The following CELF2 variants were observed in gnomAD, a reference collection of about 807,000 sequenced individuals.
CELF2 encodes the protein CUG triplet repeat RNA-binding protein 2.
CELF2 carries 8 observed loss-of-function variants against 62.6 expected under a neutral mutation model. The ratio of observed to expected loss-of-function variants is 0.13; its 90% CI spans 0.07 to 0.23. CELF2 has a LOEUF of 0.23. Among genes scored for constraint, CELF2 ranks in the 10% least tolerant of loss-of-function variants. The probability of loss-of-function intolerance (pLI) is 1.00; values close to 1 mark genes in which losing one functional copy is unlikely to be tolerated. For synonymous variants in CELF2, 258 were observed against 250.0 expected (o/e 1.03, Z -0.30); for missense variants, 333 against 671.0 (o/e 0.50, Z 5.56).
chr10:10,696,169 A>T, the CELF2 span, among the ~76,000 whole-genome samples: 4 of 152,134 alleles, frequency 2.6e-5, no homozygotes, highest in Non-Finnish European at 5.9e-5. Flanking sequence ...GGTGATGTAC[A>T]GATGGGTTTT....
In CELF2 at chr10:11,005,382, A is replaced by G. The variant is rs1363095828; in HGVS notation, c.-6A>G. 1 of 1,613,854 alleles carries G rather than the reference A, an allele frequency of 6.2e-7. No individual in the cohort carries two copies. The highest frequency in any genetic ancestry group is 1.3e-5 in the African/African-American group (1 of 74,924). On this transcript the variant is annotated 5_prime_UTR_variant, in exon 1 of 13. Transcript: ENST00000416382. This position sits in a 1 kb window ranked among gnomAD's most constrained non-coding sequence, Gnocchi z 4.3. The stretch of plus-strand genomic sequence containing the variant: ...TGGCTTTTGTTGAGACTATCAGTAT[A>G]GAAGCATGCGCTGTCCCAAATCCGC...
At chr10:10,576,655 A>G in the CELF2 span, among the ~76,000 whole-genome samples, 6 of 152,088 alleles carry the variant, frequency 3.9e-5, no homozygotes, top group African/African-American at 1.4e-4. Context: ...TCCGTTAACC[A>G]TCTCTCTACC....
At chr10:10,577,364 T>TTTA in the CELF2 span, among the ~76,000 whole-genome samples, 8,317 of 141,374 alleles carry the variant, frequency 0.059, 322 homozygotes, top group East Asian at 0.21. Context: ...AACAAATCTT[T>TTTA]TTATTATTAT....
the CELF2 span, among the ~76,000 whole-genome samples, chr10:10,474,682 T>A: frequency 6.6e-6 from 1 of 151,872 alleles, no homozygotes; most frequent in Non-Finnish European, 1.5e-5. Flanking sequence ...GCTGTGGGGG[T>A]TATTAGTACA....
chr10:10,468,458 A>G, the CELF2 span, among the ~76,000 whole-genome samples: 2 of 151,978 alleles, frequency 1.3e-5, no homozygotes, highest in Non-Finnish European at 2.9e-5. Context: ...ATGCTTCAGA[A>G]TCTTCATCCT....
chr10:11,216,160 G>A (rs1372686225), intron 2 of CELF2, among the ~76,000 whole-genome samples: 1 of 152,162 alleles, frequency 6.6e-6, no homozygotes. Flanking sequence ...AGTCTACCTT[G>A]TCCAAAAGGC....
chr10:11,211,200 G>A lies in CELF2; in HGVS notation c.272-6225G>A, dbSNP rs1418138353. Among the ~76,000 whole-genome samples the A allele has an allele frequency of 6.6e-6, 1 of 152,208 alleles. No homozygotes were observed. Among genetic ancestry groups the A allele is most frequent in the African/African-American group, 2.4e-5 (1 of 41,460 alleles). ...GCCTACAGTGGAGAAGATGACTTTAGCTCAGGAGTTCGAAGTTAAAGTGAA... is the reference window on the plus strand; with the variant it reads ...GCCTACAGTGGAGAAGATGACTTTAACTCAGGAGTTCGAAGTTAAAGTGAA... On this transcript the variant is annotated intron_variant, in intron 2 of 12. Transcript: ENST00000633077. The surrounding 1 kb of genome is among the most constrained non-coding windows in gnomAD (Gnocchi z 4.8).
In CELF2 at chr10:10,972,859, CCTGTG is replaced by C. The variant is rs2050902458; in HGVS notation, c.89+52861_89+52865del. Reference sequence around the variant, plus strand: ...AAACATGGGGACATGGTAGATTTTGCCTGTGTCTTCCCTCCCTACATCATCAGCAC... The same window carrying C: ...AAACATGGGGACATGGTAGATTTTGCTCTTCCCTCCCTACATCATCAGCAC... On this transcript the variant is annotated intron_variant, in intron 2 of 13. Coordinates refer to the CELF2 transcript ENST00000636488. This position sits in a 1 kb window ranked among gnomAD's most constrained non-coding sequence, Gnocchi z 4.4. 6.6e-6 allele frequency among the ~76,000 whole-genome samples: 1 copy of C among 152,142 alleles called. No individual in the cohort carries two copies. The highest frequency in any genetic ancestry group is 1.5e-5 in the Non-Finnish European group (1 of 68,028).
At chr10:10,803,032 A>G (rs1197914739) in intron 1 of CELF2, among the ~76,000 whole-genome samples, 3 of 152,120 alleles carry the variant, frequency 2.0e-5, no homozygotes, top group African/African-American at 7.2e-5. Context: ...GTCTTAATTT[A>G]TATCCAAACT....
At chr10:10,672,236 T>C in the CELF2 span, among the ~76,000 whole-genome samples, 4 of 152,348 alleles carry the variant, frequency 2.6e-5, 1 homozygote, top group East Asian at 7.7e-4. Flanking sequence ...AACAGAAATA[T>C]TTAATTCCAA....
the CELF2 span, among the ~76,000 whole-genome samples, chr10:10,680,144 CGT>C: frequency 6.6e-6 from 1 of 150,648 alleles, no homozygotes; most frequent in African/African-American, 2.5e-5. Context: ...TATGTATGTA[CGT>C]ATGTATGTAT....
chr10:11,014,217 A>G (rs1486561496), upstream of CELF2, among the ~76,000 whole-genome samples: 1 of 152,246 alleles, frequency 6.6e-6, no homozygotes, highest in African/African-American at 2.4e-5. Flanking sequence ...AGAAATGAGA[A>G]GGAAAAAGAA....
chr10:10,929,555 G>C (rs1298545947), intron 2 of CELF2: 2 of 152,156 alleles, frequency 1.3e-5, no homozygotes, highest in African/African-American at 2.4e-5. Flanking sequence ...ATATGATCTA[G>C]AGCCAAACTC....
the CELF2 span, among the ~76,000 whole-genome samples, chr10:10,624,526 C>T: frequency 3.3e-5 from 5 of 152,172 alleles, no homozygotes; most frequent in Non-Finnish European, 7.3e-5. Flanking sequence ...TTGGCCAATT[C>T]GGCTCATTGA....
the CELF2 span, among the ~76,000 whole-genome samples, chr10:10,523,718 C>A: frequency 5.9e-5 from 9 of 152,272 alleles, no homozygotes; most frequent in East Asian, 1.7e-3. Flanking sequence ...ACTAGGGATG[C>A]AACAATAAAA....
At chr10:10,979,672 CAAAAAAA>C (rs35482385) in intron 2 of CELF2, among the ~76,000 whole-genome samples, 18 of 68,968 alleles carry the variant, frequency 2.6e-4, no homozygotes, top group South Asian at 2.0e-3. Context: ...CCTTGTCTCT[CAAAAAAA>C]AAAAAAAAAA....
chr10:10,686,877 A>C, the CELF2 span, among the ~76,000 whole-genome samples: 6 of 152,138 alleles, frequency 3.9e-5, no homozygotes, highest in Non-Finnish European at 1.5e-5. Context: ...TACTGGGATG[A>C]CTGGTCCCAT....
chr10:10,841,919 T>C (rs1198444412), intron 1 of CELF2, among the ~76,000 whole-genome samples: 1 of 152,138 alleles, frequency 6.6e-6, no homozygotes, highest in Non-Finnish European at 1.5e-5. Context: ...ACTTTCAAAA[T>C]GAACCCAGAC....
At chr10:10,903,597 A>G (rs1465897178) in intron 1 of CELF2, among the ~76,000 whole-genome samples, 1 of 152,220 alleles carries the variant, frequency 6.6e-6, no homozygotes, top group Non-Finnish European at 1.5e-5. Flanking sequence ...GACTCCGTAC[A>G]TATTTCAGGA....
Sources: gnomAD v4.1 joint callset for allele counts (sites outside exome capture counted in the v4.1 genomes callset) on GRCh38, gnomAD v4.1.1 for gene constraint, Gnocchi (gnomAD v3.1) non-coding constraint, MANE v1.5 for transcripts, NCBI Gene and HGNC (gene_info 2026-07-23, HGNC 2026-07-21) for gene names.